RIN2: variants seen among roughly 807,000 people sequenced by gnomAD.
RIN2 encodes RAB5 interacting protein 2.
A neutral mutation model predicts 78.0 loss-of-function variants in RIN2; 36 were observed. The ratio of observed to expected loss-of-function variants is 0.46; its 90% CI spans 0.35 to 0.61. The LOEUF is 0.61. Among genes scored for constraint, RIN2 ranks in the 20% least tolerant of loss-of-function variants. The probability of loss-of-function intolerance (pLI) is 0.00; values close to 1 mark genes in which losing one functional copy is unlikely to be tolerated. For synonymous variants in RIN2, 466 were observed against 466.8 expected (o/e 1.00, Z 0.02); for missense variants, 1,087 against 1,159.7 (o/e 0.94, Z 0.91).
intron 1 of RIN2, among the ~76,000 whole-genome samples, chr20:19,796,902 T>C (rs1194210649): frequency 6.6e-6 from 1 of 152,230 alleles, no homozygotes; most frequent in Non-Finnish European, 1.5e-5. Flanking sequence ...ATGAAGATGG[T>C]CAGGGGAGAC....
chr20:19,780,175 G>A (rs1223323496), intron 1 of RIN2, among the ~76,000 whole-genome samples: 1 of 152,222 alleles, frequency 6.6e-6, no homozygotes, highest in Non-Finnish European at 1.5e-5. Context: ...GATATTCCTT[G>A]AGAAATTTCA....
At chr20:19,979,012 A>T (rs1473469875) in intron 9 of RIN2, among the ~76,000 whole-genome samples, 7 of 152,132 alleles carry the variant, frequency 4.6e-5, no homozygotes, top group Admixed American at 3.3e-4. Flanking sequence ...TTCACATCCC[A>T]CCACTCTTGC....
chr20:19,943,809 TG>T (rs2040975631), intron 4 of RIN2, among the ~76,000 whole-genome samples: 1 of 152,064 alleles, frequency 6.6e-6, no homozygotes, highest in Non-Finnish European at 1.5e-5. Flanking sequence ...CTTCCCATGC[TG>T]GGTGGTGGGT....
chr20:19,885,277 T>A (rs569880154), intron 2 of RIN2, among the ~76,000 whole-genome samples: 1 of 152,212 alleles, frequency 6.6e-6, no homozygotes, highest in African/African-American at 2.4e-5. Context: ...CCGATGTTGG[T>A]CAAAGGATAC....
intron 7 of RIN2, among the ~76,000 whole-genome samples, chr20:19,966,520 T>C (rs2041944233): frequency 6.6e-6 from 1 of 151,936 alleles, no homozygotes; most frequent in Admixed American, 6.6e-5. Flanking sequence ...GATGGGGTTT[T>C]ACCACGTTGG....
chr20:19,871,303 G>A (rs1426289161), intron 2 of RIN2, among the ~76,000 whole-genome samples: 1 of 152,170 alleles, frequency 6.6e-6, no homozygotes, highest in Non-Finnish European at 1.5e-5. Flanking sequence ...CAGGTAGGTG[G>A]CTCACATCTG....
At chr20:19,762,560 G>A (rs775185223) in intron 1 of RIN2, among the ~76,000 whole-genome samples, 3 of 152,106 alleles carry the variant, frequency 2.0e-5, no homozygotes, top group Non-Finnish European at 2.9e-5. Context: ...GAAGTCAAGG[G>A]AAGGAGTGTT....
chr20:19,787,090 A>G (rs1260889396), intron 1 of RIN2, among the ~76,000 whole-genome samples: 1 of 152,134 alleles, frequency 6.6e-6, no homozygotes, highest in Non-Finnish European at 1.5e-5. Flanking sequence ...AGTTAATTCT[A>G]TGGTGAGCAA....
intron 2 of RIN2, chr20:19,824,055 C>A: frequency 1.5e-6 from 1 of 659,204 alleles, no homozygotes; most frequent in East Asian, 2.7e-5. Context: ...GCTTCTATGG[C>A]CCCCCAGGGA....
chr20:19,822,626 C>G (rs2035959558), intron 2 of RIN2, among the ~76,000 whole-genome samples: 1 of 149,578 alleles, frequency 6.7e-6, no homozygotes, highest in African/African-American at 2.5e-5. Context: ...TAGGTTCTTA[C>G]TGATTTACAC....
chr20:19,779,922 G>GT (rs2034440693), intron 1 of RIN2, among the ~76,000 whole-genome samples: 1 of 152,136 alleles, frequency 6.6e-6, no homozygotes, highest in Non-Finnish European at 1.5e-5. Context: ...GGAGGTCAGC[G>GT]TGTTTGCCCT....
rs764441634 is a variant in RIN2 at position 19,990,117 on chromosome 20, A to G, written c.1874A>G (p.Lys625Arg). ...GCCGATGGCTCATGGAAGCAACTCA[A>G]GGAGAACCTGCAGCTTGTGCGGCAG... ...HMADGSWKQL[K>R]ENLQLVRQRN... The change falls in exon 10 of 13, where the codon AAG becomes AGG. Residue 625 changes from lysine (K) to arginine (R), a missense_variant. By Grantham distance (26) the Lys-to-Arg change is conservative. Around this residue, in one of 8 missense-constraint regions of RIN2, gnomAD observed 97 missense variants for 104.8 expected, o/e 0.93. Coordinates refer to ENST00000255006, the MANE Select transcript of RIN2 (RefSeq NM_018993.4). 3.7e-6 allele frequency: 6 copies of G among 1,601,928 alleles called. No homozygotes were observed. In the South Asian group the frequency reaches 5.6e-5, roughly 15 times the overall value.
At position 19,848,789 on chromosome 20, in the gene RIN2, C is replaced by T. The variant is rs1001925598; in HGVS notation, c.-36-40777C>T. The stretch of plus-strand genomic sequence containing the variant: ...TTTATCATTTAAAAAACTACTGCCT[C>T]TAGGTTATTCTAGCCTGACATAGAA... On this transcript the variant is annotated intron_variant, in intron 2 of 12. Transcript: ENST00000255006. Among the ~76,000 whole-genome samples, 7 of 152,078 alleles carry T rather than the reference C, an allele frequency of 4.6e-5. No individual in the cohort carries two copies. In the East Asian group the frequency reaches 1.3e-3, roughly 29 times the overall value.
chr20:19,809,964 T>G (rs1600508010), intron 2 of RIN2, among the ~76,000 whole-genome samples: 1 of 148,646 alleles, frequency 6.7e-6, no homozygotes. Context: ...CTGCGACCAC[T>G]GAGATAGAAC....
intron 2 of RIN2, among the ~76,000 whole-genome samples, chr20:19,801,573 G>A (rs1369679339): frequency 1.3e-5 from 2 of 152,034 alleles, no homozygotes; most frequent in East Asian, 1.9e-4. Context: ...CGCCCGCCTC[G>A]GCCTCCCAAA....
intron 10 of RIN2, among the ~76,000 whole-genome samples, chr20:19,990,629 T>G (rs73901363): frequency 0.021 from 3,134 of 152,168 alleles, 128 homozygotes; most frequent in African/African-American, 0.071. Context: ...GAAAATTAAC[T>G]GAGGGACTTT....
intron 9 of RIN2, among the ~76,000 whole-genome samples, chr20:19,983,849 CTT>C (rs1445942030): frequency 6.6e-6 from 1 of 151,276 alleles, no homozygotes; most frequent in East Asian, 2.0e-4. Flanking sequence ...CATGTTGTAT[CTT>C]TGTCAAGTAA....
At chr20:19,855,645 A>C (rs2037139523) in intron 2 of RIN2, among the ~76,000 whole-genome samples, 1 of 152,208 alleles carries the variant, frequency 6.6e-6, no homozygotes, top group African/African-American at 2.4e-5. Context: ...AGTTTCCATC[A>C]ACCAACCATT....
At position 19,960,823 on chromosome 20, in the gene RIN2, T is replaced by C. The variant is rs184313079; in HGVS notation, c.463+12T>C. ...GGAAAGCACATACAGTAAGTGGTCA[T>C]TGGATGCTCAGGTCCTGACTGACAG... On this transcript the variant is annotated intron_variant, in intron 6 of 12. Coordinates refer to ENST00000255006, the MANE Select transcript of RIN2 (RefSeq NM_018993.4). The C allele has an allele frequency of 4.0e-4, 616 of 1,534,282 alleles. 2 individuals carry two copies. The African/African-American group carries it at 7.3e-3, about 18-fold the overall frequency.
Sources: gnomAD v4.1 joint callset for allele counts (sites outside exome capture counted in the v4.1 genomes callset) on GRCh38, gnomAD v4.1.1 for gene constraint, gnomAD v4.1.1 regional missense constraint, MANE v1.5 for transcripts, NCBI Gene and HGNC (gene_info 2026-07-23, HGNC 2026-07-21) for gene names.